Variants in TDP1 observed in about 807,000 individuals in gnomAD.
The protein encoded by TDP1 is tyr-DNA phosphodiesterase 1.
TDP1 carries 64 observed loss-of-function variants against 81.5 expected under a neutral mutation model. That is an observed-to-expected ratio of 0.79 (90% CI 0.64 to 0.97). TDP1 has a LOEUF of 0.97. TDP1 is among the 50% of genes least tolerant of loss of function. TDP1 has a pLI of 0.00. For synonymous variants in TDP1, 256 were observed against 264.3 expected (o/e 0.97, Z 0.30); for missense variants, 723 against 743.8 (o/e 0.97, Z 0.33).
At chr14:90,013,458 C>A (rs923606283) in intron 14 of TDP1, among the ~76,000 whole-genome samples, 15 of 152,096 alleles carry the variant, frequency 9.9e-5, no homozygotes, top group Admixed American at 2.0e-4. Context: ...CAGTTCCCTG[C>A]ACACGCTCTC....
At chr14:90,008,127 A>AC (rs1196009343) in intron 14 of TDP1, among the ~76,000 whole-genome samples, 1 of 152,132 alleles carries the variant, frequency 6.6e-6, no homozygotes. Context: ...CACTCTAAAG[A>AC]ACTGATTTTT....
chr14:90,030,005 C>A (rs1687583980), intron 15 of TDP1, among the ~76,000 whole-genome samples: 1 of 152,192 alleles, frequency 6.6e-6, no homozygotes, highest in African/African-American at 2.4e-5. Context: ...GAATTAGGTG[C>A]TCATATCATC....
chr14:90,024,229 T>C (rs1366594961), intron 15 of TDP1, among the ~76,000 whole-genome samples: 2 of 152,196 alleles, frequency 1.3e-5, no homozygotes, highest in Non-Finnish European at 2.9e-5. Flanking sequence ...CTGTTTATGC[T>C]GTGCAGAACT....
intron 6 of TDP1, among the ~76,000 whole-genome samples, chr14:89,972,738 AGTAGCTG>A (rs1893813042): frequency 6.6e-6 from 1 of 152,238 alleles, no homozygotes; most frequent in Non-Finnish European, 1.5e-5. Context: ...GTGATTATGA[AGTAGCTG>A]GTGTAATAGT....
At chr14:89,980,965 C>T (rs941155836) in intron 8 of TDP1, among the ~76,000 whole-genome samples, 20 of 152,152 alleles carry the variant, frequency 1.3e-4, no homozygotes, top group African/African-American at 4.6e-4. Context: ...GTAGAGGGCA[C>T]AGCACATGCA....
chr14:90,014,668 G>A (rs1050636447), intron 14 of TDP1, among the ~76,000 whole-genome samples: 2 of 152,172 alleles, frequency 1.3e-5, no homozygotes, highest in Non-Finnish European at 2.9e-5. Context: ...AGACTGTTAA[G>A]TAATTAATGA....
intron 15 of TDP1, among the ~76,000 whole-genome samples, chr14:90,027,469 C>T (rs1886801648): frequency 6.6e-6 from 1 of 152,050 alleles, no homozygotes; most frequent in Non-Finnish European, 1.5e-5. Flanking sequence ...CCCCCAGGCT[C>T]CAGCCACCCA....
chr14:90,009,225 T>C (rs562641361), intron 14 of TDP1, among the ~76,000 whole-genome samples: 3 of 152,344 alleles, frequency 2.0e-5, no homozygotes, highest in South Asian at 2.1e-4. Context: ...ATAGATTTTG[T>C]TGCTGCTGGT....
chr14:90,038,997 C>T (rs1429493120), intron 16 of TDP1, among the ~76,000 whole-genome samples: 2 of 151,512 alleles, frequency 1.3e-5, no homozygotes, highest in Admixed American at 1.3e-4. Context: ...ATAGCACAAA[C>T]AGAAGGCTAA....
chr14:90,012,975 GAC>G lies in TDP1; in HGVS notation c.1542-6339_1542-6338del, dbSNP rs539462461. ...CGGAGCTTTAAGATTTGACTGCCCT[GAC>G]AGATTTTGGACTTGCATGGGGCCTG... On this transcript the variant is annotated intron_variant, in intron 14 of 16. Transcript: ENST00000335725. 2.6e-5 allele frequency among the ~76,000 whole-genome samples: 4 copies of G among 152,338 alleles called. No homozygotes were observed. In the East Asian group the frequency reaches 7.7e-4, roughly 29 times the overall value.
intron 14 of TDP1, 146 bp from the exon 15 acceptor site, chr14:90,019,170 T>C: frequency 7.1e-7 from 1 of 1,410,024 alleles, no homozygotes; most frequent in Admixed American, 2.0e-5. Context: ...AATTCTCTTT[T>C]CAAAAATGCA....
chr14:90,007,764 G>A (rs1884217057), intron 14 of TDP1, among the ~76,000 whole-genome samples: 2 of 151,800 alleles, frequency 1.3e-5, no homozygotes, highest in East Asian at 3.9e-4. Context: ...CACCACACCT[G>A]GCTAATTTTT....
chr14:89,973,966 G>A (rs34939209), intron 6 of TDP1, among the ~76,000 whole-genome samples: 1,771 of 152,160 alleles, frequency 0.012, 29 homozygotes, highest in African/African-American at 0.04. Flanking sequence ...TCTTGTATAA[G>A]GACAGCAGTC....
At chr14:89,995,204 A>T (rs1469503664) in intron 14 of TDP1, among the ~76,000 whole-genome samples, 1 of 152,256 alleles carries the variant, frequency 6.6e-6, no homozygotes, top group Non-Finnish European at 1.5e-5. Flanking sequence ...GAATAGCAAC[A>T]ACATTCATTC....
chr14:90,041,887 A>C (rs936010851), intron 16 of TDP1, among the ~76,000 whole-genome samples: 85 of 152,342 alleles, frequency 5.6e-4, no homozygotes, highest in African/African-American at 2.0e-3. Flanking sequence ...AGAAAAGTTC[A>C]CATTTATTGA....
chr14:90,008,596 T>A (rs1884330316), intron 14 of TDP1, among the ~76,000 whole-genome samples: 1 of 152,224 alleles, frequency 6.6e-6, no homozygotes, highest in Non-Finnish European at 1.5e-5. Flanking sequence ...AAATAGAATA[T>A]ATAAAGGTAT....
chr14:89,971,956 C>T (rs1468014923), intron 6 of TDP1, among the ~76,000 whole-genome samples: 1 of 151,932 alleles, frequency 6.6e-6, no homozygotes, highest in African/African-American at 2.4e-5. Flanking sequence ...ACAGGAGAGA[C>T]CCATAGATTA....
chr14:89,977,016 G>A (rs1894420317), intron 7 of TDP1, among the ~76,000 whole-genome samples: 1 of 152,086 alleles, frequency 6.6e-6, no homozygotes, highest in Admixed American at 6.5e-5. Context: ...TAGCCGGGCA[G>A]TAGTGGGACA....
chr14:89,958,585 C>T (rs903252692), intron 2 of TDP1, among the ~76,000 whole-genome samples: 1 of 152,072 alleles, frequency 6.6e-6, no homozygotes, highest in Non-Finnish European at 1.5e-5. Flanking sequence ...AAAGGCACCA[C>T]TCAAAGGTGG....
Sources: gnomAD v4.1 joint callset for allele counts (sites outside exome capture counted in the v4.1 genomes callset) on GRCh38, gnomAD v4.1.1 for gene constraint, MANE v1.5 for transcripts, NCBI Gene and HGNC (gene_info 2026-07-23, HGNC 2026-07-21) for gene names.